Variants in CYP4V2 observed in about 807,000 individuals in gnomAD.
CYP4V2 encodes cytochrome P450 4V2.
CYP4V2 carries 55 observed loss-of-function variants against 60.8 expected under a neutral mutation model. The observed-to-expected ratio is 0.90, with a 90% CI of 0.73 to 1.13. The LOEUF is 1.13. CYP4V2 is among the 50% of genes most tolerant of loss of function. The probability of loss-of-function intolerance (pLI) is 0.00; values close to 1 mark genes in which losing one functional copy is unlikely to be tolerated. For synonymous variants in CYP4V2, 239 were observed against 236.8 expected, an observed-to-expected ratio of 1.01 and a Z score of -0.08; for missense variants, 675 against 662.9, an observed-to-expected ratio of 1.02 and a Z score of -0.20.
chr4:186,192,715 G>A (rs956572261), intron 1 of CYP4V2, among the ~76,000 whole-genome samples: 1 of 152,156 alleles, frequency 6.6e-6, no homozygotes, highest in Non-Finnish European at 1.5e-5. Context: ...AAGTTAGAAA[G>A]CTCTCAAAAG....
rs1375908419 is a variant in CYP4V2, at chr4:186,210,563, T to C, written c.1500T>C (p.Gly500=). The C allele has an allele frequency of 6.2e-7, 1 of 1,614,174 alleles. No homozygotes were observed. Among genetic ancestry groups the C allele is most frequent in the East Asian group, 2.2e-5 (1 of 44,866 alleles). The change falls in exon 11 of 11, where the codon GGT becomes GGC. Residue 500 remains glycine, a synonymous_variant. Coordinates refer to ENST00000378802, the MANE Select transcript of CYP4V2 (RefSeq NM_207352.4). The part of the protein sequence containing the change: ...IESNQKREEL[G]LEGQLILRPS... ...CCAACCAGAAAAGAGAAGAGCTTGG[T>C]CTAGAAGGACAGTTGATTCTTCGTC...
rs1291468534 is a variant in CYP4V2, at chr4:186,195,435, G to A, written c.328-568G>A. ...GGGGACTTGAGCAAGAAGCCTGGTG[G>A]GCACCCTGTGCTCAGCCCTAGACCC... is the stretch of plus-strand genomic sequence containing the variant. On this transcript the variant is annotated intron_variant, in intron 2 of 10. Coordinates refer to ENST00000378802, the MANE Select transcript of CYP4V2 (RefSeq NM_207352.4). The surrounding 1 kb of genome is among the most constrained non-coding windows in gnomAD (Gnocchi z 4.1). 3.3e-5 allele frequency among the ~76,000 whole-genome samples: 5 copies of A among 152,070 alleles called. No homozygotes were observed. Among genetic ancestry groups the A allele is most frequent in the African/African-American group, 1.2e-4 (5 of 41,402 alleles).
rs1419247749 is a variant in CYP4V2, at chr4:186,192,389, G to A, written c.214+352G>A. 8.5e-6 allele frequency: 4 copies of A among 469,816 alleles called. No homozygotes were observed. The Admixed American group carries it at 1.2e-4, about 14-fold the overall frequency. The allele number at this position is 469,816 out of a possible 1,614,324, so 29.1% of individuals were successfully genotyped here. ...CAGAAGCTCCCTGGGAGCACAGAGC[G>A]GTTTTAAACTGGCCAACACCTTAAC... On this transcript the variant is annotated intron_variant, in intron 1 of 10. Coordinates refer to ENST00000378802, the MANE Select transcript of CYP4V2 (RefSeq NM_207352.4).
intron 7 of CYP4V2, chr4:186,203,545 G>A (rs1736391657): frequency 1.3e-5 from 2 of 152,304 alleles, no homozygotes; most frequent in African/African-American, 2.4e-5. Context: ...GTGCCTCGGT[G>A]CTTTACGTTT....
At chr4:186,194,927 G>A (rs549684075) in intron 2 of CYP4V2, among the ~76,000 whole-genome samples, 24 of 152,100 alleles carry the variant, frequency 1.6e-4, no homozygotes, top group Non-Finnish European at 2.8e-4. Context: ...TCCACCAGAC[G>A]CTATTTTAAG....
At chr4:186,196,124 A>C (rs769020128) in intron 3 of CYP4V2, 36 bp downstream of exon 3, 11 of 1,541,886 alleles carry the variant, frequency 7.1e-6, no homozygotes, top group Admixed American at 3.3e-5. Flanking sequence ...TGTCTATAGA[A>C]ATGGTTACTT....
chr4:186,192,033 G>T lies in CYP4V2; in HGVS notation c.210G>T (p.Gly70=). 6.4e-7 allele frequency: 1 copy of T among 1,574,256 alleles called. No homozygotes were observed. Among genetic ancestry groups the T allele is most frequent in the Non-Finnish European group, 8.6e-7 (1 of 1,165,392 alleles). Reference sequence around the variant, plus strand: ...ACGCGCTGCTGATGAAGCCGGACGGGCGAGGTAAGGGCCGGCGCTCCTCCT... The same window carrying T: ...ACGCGCTGCTGATGAAGCCGGACGGTCGAGGTAAGGGCCGGCGCTCCTCCT... ...VGHALLMKPD[G]REFFQQIIEY... Residue 70 remains glycine, a synonymous_variant, in exon 1 of 11, where the codon GGG becomes GGT. Coordinates refer to ENST00000378802, the MANE Select transcript of CYP4V2 (RefSeq NM_207352.4).
intron 7 of CYP4V2, chr4:186,204,885 G>A (rs1397056761): frequency 2.4e-6 from 1 of 413,804 alleles, no homozygotes; most frequent in Admixed American, 3.6e-5. Context: ...GTGAAAATCA[G>A]ACTTTGTTCT....
In CYP4V2 at chr4:186,197,035, CA is replaced by C. The variant is rs780661245; in HGVS notation, c.512del (p.Asn171IlefsTer27). 2.2e-5 allele frequency: 35 copies of C among 1,613,570 alleles called. No individual in the cohort carries two copies. Among genetic ancestry groups the C allele is most frequent in the Non-Finnish European group, 2.9e-5 (34 of 1,179,952 alleles). On this transcript the variant is annotated frameshift_variant, in exon 4 of 11. Coordinates refer to ENST00000378802, the MANE Select transcript of CYP4V2 (RefSeq NM_207352.4). LOFTEE classifies it high-confidence loss of function. ...EDFLDIMNEQ[A>X]NILVKKLEKH... ...TTCTTAGATATCATGAATGAACAAG[CA>C]AATATATTGGTTAAGAAACTTGAAA...
intron 8 of CYP4V2, among the ~76,000 whole-genome samples, chr4:186,205,972 C>T (rs375216227): frequency 2.0e-5 from 3 of 152,144 alleles, no homozygotes; most frequent in South Asian, 2.1e-4. Flanking sequence ...TTCACAGCAG[C>T]GACGTCTGTT....
chr4:186,200,110 A>T (rs1178468667), intron 6 of CYP4V2, among the ~76,000 whole-genome samples: 1 of 152,186 alleles, frequency 6.6e-6, no homozygotes, highest in Non-Finnish European at 1.5e-5. Flanking sequence ...TAATAGCAAT[A>T]ATTAAATGAA....
chr4:186,200,654 C>T lies in CYP4V2; in HGVS notation c.802-503C>T, dbSNP rs72646271. On this transcript the variant is annotated intron_variant, in intron 6 of 10. Coordinates refer to ENST00000378802, the MANE Select transcript of CYP4V2 (RefSeq NM_207352.4). ...TGATCGTGTGACAATGAGCAGAGAT[C>T]TGGAAGAAGGGAGGGGGCAGCCGTG... Among the ~76,000 whole-genome samples the T allele has an allele frequency of 5.9e-3, 900 of 152,158 alleles. 3 individuals are homozygous for T. Among genetic ancestry groups the T allele is most frequent in the Non-Finnish European group, 8.4e-3 (570 of 68,020 alleles).
chr4:186,210,101 A>G (rs1736658257), intron 10 of CYP4V2, among the ~76,000 whole-genome samples: 1 of 152,260 alleles, frequency 6.6e-6, no homozygotes, highest in Non-Finnish European at 1.5e-5. Flanking sequence ...ATGTAAATGC[A>G]GACATCGGTA....
At chr4:186,197,168 A>G (rs1736173135) in intron 4 of CYP4V2, 38 bp downstream of exon 4, 1 of 1,608,940 alleles carries the variant, frequency 6.2e-7, no homozygotes, top group African/African-American at 1.3e-5. Context: ...TTATGGCATA[A>G]AGAGAAAATG....
At chr4:186,208,362 G>A (rs544717108) in intron 8 of CYP4V2, among the ~76,000 whole-genome samples, 3 of 150,962 alleles carry the variant, frequency 2.0e-5, no homozygotes, top group African/African-American at 7.3e-5. Context: ...TTCTTTGAAG[G>A]GTATTTGATG....
intron 3 of CYP4V2, chr4:186,196,732 T>C: frequency 3.6e-6 from 2 of 558,072 alleles, no homozygotes; most frequent in South Asian, 5.0e-5. Context: ...AAAATACTCA[T>C]ATTTTGTAAC....
chr4:186,208,057 G>A (rs972338042), intron 8 of CYP4V2, among the ~76,000 whole-genome samples: 1 of 151,396 alleles, frequency 6.6e-6, no homozygotes, highest in Non-Finnish European at 1.5e-5. Flanking sequence ...TGATCCACGT[G>A]TTCTTCTTTG....
rs1736724320 is a variant in CYP4V2 at position 186,211,664 on chromosome 4, T to TACACACATACACACAC, written c.*1030_*1031insTACACACACACACACA. 1.4e-5 allele frequency: 2 copies of TACACACATACACACAC among 138,346 alleles called. No individual in the cohort carries two copies. The highest frequency in any genetic ancestry group is 5.7e-5 in the African/African-American group (2 of 35,038). The allele number at this position is 138,346 out of a possible 1,614,324, so 8.6% of individuals were successfully genotyped here. On this transcript the variant is annotated 3_prime_UTR_variant, in exon 11 of 11. Transcript: ENST00000378802. ...TCATGGTGACTCAGGAATACACACATACACACACACACACACACACACACA... is the reference window on the plus strand; with the variant it reads ...TCATGGTGACTCAGGAATACACACATACACACATACACACACACACACACACACACACACACACACA...
chr4:186,197,596 T>C lies in CYP4V2; in HGVS notation c.668T>C (p.Val223Ala), dbSNP rs1381609961. The change falls in exon 5 of 11, where the codon GTT becomes GCT. Residue 223 changes from valine (V) to alanine (A), a missense_variant. By Grantham distance (64) the Val-to-Ala change is moderately conservative (BLOSUM62 0). Coordinates refer to ENST00000378802, the MANE Select transcript of CYP4V2 (RefSeq NM_207352.4). Reference sequence around the variant, plus strand: ...GATGATTCCGAGTATGTCCGTGCAGTTTATAGGTAAATGGAGTCCTTTCAG... The same window carrying C: ...GATGATTCCGAGTATGTCCGTGCAGCTTATAGGTAAATGGAGTCCTTTCAG... ...SNDDSEYVRA[V>A]YRMSEMIFRR... 6.2e-7 allele frequency: 1 copy of C among 1,614,184 alleles called. No individual in the cohort carries two copies. The highest frequency in any genetic ancestry group is 1.7e-5 in the Admixed American group (1 of 60,032).
Sources: gnomAD v4.1 joint callset for allele counts (sites outside exome capture counted in the v4.1 genomes callset) on GRCh38, gnomAD v4.1.1 for gene constraint, Gnocchi (gnomAD v3.1) non-coding constraint, MANE v1.5 for transcripts, NCBI Gene and HGNC (gene_info 2026-07-23, HGNC 2026-07-21) for gene names.